Variants in DCC observed in about 807,000 individuals in gnomAD.
DCC encodes the protein DCC netrin 1 receptor, also known as netrin receptor DCC.
DCC carries 58 observed loss-of-function variants against 172.5 expected under a neutral mutation model. The observed-to-expected ratio is 0.34, with a 90% CI of 0.27 to 0.42. The LOEUF (loss-of-function observed/expected upper bound fraction) is 0.42. Ranked by LOEUF, DCC falls within the 10% of genes least tolerant of loss-of-function variation. DCC has a pLI of 1.00. For missense variants in DCC, 1,740 were observed against 1,791.0 expected, an observed-to-expected ratio of 0.97 and a Z score of 0.51; for synonymous variants, 709 against 644.5, an observed-to-expected ratio of 1.10 and a Z score of -1.52.
chr18:52,383,215 G>A (rs1469946835), intron 1 of DCC, among the ~76,000 whole-genome samples: 1 of 152,072 alleles, frequency 6.6e-6, no homozygotes, highest in Non-Finnish European at 1.5e-5. Flanking sequence ...TAGTTTTCCA[G>A]AAATGCAGTA....
intron 1 of DCC, among the ~76,000 whole-genome samples, chr18:52,443,837 G>A (rs1988042460): frequency 2.0e-5 from 3 of 152,158 alleles, no homozygotes; most frequent in African/African-American, 7.2e-5. Context: ...ATTCTAGAAT[G>A]ATGATTCAGA....
At chr18:52,408,803 T>C (rs1168498986) in intron 1 of DCC, among the ~76,000 whole-genome samples, 1 of 152,154 alleles carries the variant, frequency 6.6e-6, no homozygotes, top group South Asian at 2.1e-4. Context: ...TTGTGCATTT[T>C]GTGATAGATT....
At chr18:52,679,621 T>C (rs1485949070) in intron 1 of DCC, among the ~76,000 whole-genome samples, 2 of 152,154 alleles carry the variant, frequency 1.3e-5, no homozygotes, top group African/African-American at 2.4e-5. Flanking sequence ...CTGAATTTCC[T>C]TGCATTTTTG....
intron 25 of DCC, among the ~76,000 whole-genome samples, chr18:53,472,457 G>C (rs1599189782): frequency 6.6e-6 from 1 of 152,054 alleles, no homozygotes; most frequent in African/African-American, 2.4e-5. Flanking sequence ...CCCTCTAGTT[G>C]CACTCCTCTT....
At chr18:53,365,007 A>G (rs1392825698) in intron 15 of DCC, among the ~76,000 whole-genome samples, 1 of 151,786 alleles carries the variant, frequency 6.6e-6, no homozygotes. Flanking sequence ...GATTTGAAAA[A>G]AGCAGCAAAC....
Position 52,965,075 on chromosome 18 carries a change from T to A in DCC, c.985+39705T>A, listed in dbSNP as rs1040136463. ...AGGCCACCCAGATAATCCAGGATATTCTACTCATCTCAAGATCCTTAACTT... is the reference window on the plus strand; with the variant it reads ...AGGCCACCCAGATAATCCAGGATATACTACTCATCTCAAGATCCTTAACTT... On this transcript the variant is annotated intron_variant, in intron 5 of 28. Transcript: ENST00000442544. 3 of 152,206 alleles carry A rather than the reference T, an allele frequency of 2.0e-5. No individual in the cohort carries two copies. In the East Asian group the frequency reaches 5.8e-4, roughly 29 times the overall value. 9.4% of individuals were successfully genotyped at this position (152,206 alleles called of 1,614,324 possible).
chr18:53,216,498 C>A (rs761926906), intron 12 of DCC, among the ~76,000 whole-genome samples: 3 of 152,128 alleles, frequency 2.0e-5, no homozygotes, highest in Non-Finnish European at 4.4e-5. Flanking sequence ...CCTTAGCAAA[C>A]CTCTTTCTAT....
Position 53,476,177 on chromosome 18 carries a change from G to A in DCC, c.3736+8167G>A, listed in dbSNP as rs568303419. ...TTTTGATTTTACAGGCTGATAGGTG[G>A]AAAGGACTTGCCTTGTCTCAGATGA... On this transcript the variant is annotated intron_variant, in intron 25 of 28. Transcript: ENST00000442544. Among the ~76,000 whole-genome samples, 6 of 152,318 alleles carry A rather than the reference G, an allele frequency of 3.9e-5. No homozygotes were observed. In the South Asian group the frequency reaches 1.2e-3, roughly 32 times the overall value.
At chr18:52,672,742 T>C (rs960280550) in intron 1 of DCC, among the ~76,000 whole-genome samples, 5 of 151,814 alleles carry the variant, frequency 3.3e-5, no homozygotes, top group African/African-American at 1.2e-4. Flanking sequence ...TTACCTTTTT[T>C]GTCCACCTTT....
chr18:52,575,287 T>G (rs1175970133), intron 1 of DCC, among the ~76,000 whole-genome samples: 1 of 152,180 alleles, frequency 6.6e-6, no homozygotes, highest in African/African-American at 2.4e-5. Context: ...AGTAAATTAC[T>G]AAAATATACA....
At chr18:53,153,717 C>T (rs2054681275) in intron 7 of DCC, among the ~76,000 whole-genome samples, 1 of 152,154 alleles carries the variant, frequency 6.6e-6, no homozygotes, top group Admixed American at 6.5e-5. Flanking sequence ...GGAAACAACA[C>T]CTCAACTAAA....
At chr18:53,289,295 C>T (rs555362889) in intron 12 of DCC, among the ~76,000 whole-genome samples, 52 of 152,158 alleles carry the variant, frequency 3.4e-4, no homozygotes, top group Middle Eastern at 3.4e-3. Flanking sequence ...TGGAATCACA[C>T]GAATAGGAGA....
At chr18:52,367,085 G>A (rs1018898933) in intron 1 of DCC, among the ~76,000 whole-genome samples, 3 of 152,158 alleles carry the variant, frequency 2.0e-5, no homozygotes, top group East Asian at 1.9e-4. Flanking sequence ...GAAATCGAGC[G>A]CAGCGCCGGT....
At chr18:53,309,492 A>G (rs1192626954) in intron 13 of DCC, among the ~76,000 whole-genome samples, 2 of 152,176 alleles carry the variant, frequency 1.3e-5, no homozygotes. Context: ...TTCTAGGGGG[A>G]TACCATTCAA....
intron 5 of DCC, among the ~76,000 whole-genome samples, chr18:52,947,277 C>T (rs1433408763): frequency 1.3e-5 from 2 of 152,158 alleles, no homozygotes; most frequent in African/African-American, 2.4e-5. Flanking sequence ...TAACATTCCA[C>T]TAGAAGCCTT....
At chr18:52,350,739 A>G (rs991794324) in intron 1 of DCC, among the ~76,000 whole-genome samples, 2 of 152,194 alleles carry the variant, frequency 1.3e-5, no homozygotes, top group South Asian at 4.1e-4. Flanking sequence ...TTGTATCCCT[A>G]AATTGATTGG....
At chr18:53,289,969 A>G (rs2056982338) in intron 12 of DCC, among the ~76,000 whole-genome samples, 1 of 152,220 alleles carries the variant, frequency 6.6e-6, no homozygotes, top group South Asian at 2.1e-4. Flanking sequence ...AAATCTGAGC[A>G]AATACCATTT....
chr18:53,189,925 TTTTA>T (rs2055340451), intron 9 of DCC, among the ~76,000 whole-genome samples: 1 of 152,120 alleles, frequency 6.6e-6, no homozygotes, highest in Non-Finnish European at 1.5e-5. Flanking sequence ...GGACTCTGAT[TTTTA>T]TTTTATTTTA....
chr18:52,451,405 A>C (rs1988299339), intron 1 of DCC, among the ~76,000 whole-genome samples: 1 of 152,144 alleles, frequency 6.6e-6, no homozygotes, highest in African/African-American at 2.4e-5. Flanking sequence ...GGGATTCAAA[A>C]AGCATCATTT....
Sources: allele counts gnomAD v4.1 joint callset (sites outside exome capture counted in the v4.1 genomes callset), GRCh38; gene constraint gnomAD v4.1.1; transcripts MANE v1.5; gene names NCBI Gene and HGNC (gene_info 2026-07-23, HGNC 2026-07-21).